Variants in LDLRAD4 observed in about 807,000 individuals in gnomAD.
LDLRAD4 encodes low density lipoprotein receptor class A domain containing 4, also known as low-density lipoprotein receptor class A domain-containing protein 4.
A neutral mutation model predicts 17.0 loss-of-function variants in LDLRAD4; 5 were observed. That is an observed-to-expected ratio of 0.29 (90% CI 0.15 to 0.62). The LOEUF (loss-of-function observed/expected upper bound fraction) is 0.62, where lower values mean the gene tolerates loss of function less well. Ranked by LOEUF, LDLRAD4 falls within the 20% of genes least tolerant of loss-of-function variation. The pLI is 0.84. For missense variants in LDLRAD4, 340 were observed against 424.7 expected, an observed-to-expected ratio of 0.80 and a Z score of 1.75; for synonymous variants, 168 against 171.8, an observed-to-expected ratio of 0.98 and a Z score of 0.17.
intron 3 of LDLRAD4, among the ~76,000 whole-genome samples, chr18:13,607,791 C>T (rs1187708260): frequency 6.6e-6 from 1 of 152,192 alleles, no homozygotes; most frequent in Non-Finnish European, 1.5e-5. Context: ...TTTTTTATGG[C>T]TGCATAGTAT....
chr18:13,227,148 G>A (rs946981480), intron 1 of LDLRAD4, among the ~76,000 whole-genome samples: 4 of 152,166 alleles, frequency 2.6e-5, no homozygotes, highest in Non-Finnish European at 5.9e-5. Flanking sequence ...CTCTGCAAAT[G>A]TGCTAAAGTT....
At chr18:13,346,405 C>T (rs1254698932) in intron 1 of LDLRAD4, among the ~76,000 whole-genome samples, 1 of 152,118 alleles carries the variant, frequency 6.6e-6, no homozygotes, top group East Asian at 1.9e-4. Context: ...GTTTCTTAAT[C>T]CTGAGTTCTA....
intron 1 of LDLRAD4, among the ~76,000 whole-genome samples, chr18:13,291,189 C>G (rs938277545): frequency 6.6e-6 from 1 of 152,192 alleles, no homozygotes; most frequent in Non-Finnish European, 1.5e-5. Flanking sequence ...CCCAGCCGGT[C>G]TGTTTGCTGA....
intron 3 of LDLRAD4, chr18:13,521,412 G>A (rs1462478825): frequency 6.6e-6 from 1 of 152,210 alleles, no homozygotes; most frequent in Non-Finnish European, 1.5e-5. Context: ...AGGAGCTTTT[G>A]CACTTGCTCT....
At chr18:13,499,323 G>A (rs1330589025) in intron 3 of LDLRAD4, among the ~76,000 whole-genome samples, 10 of 144,706 alleles carry the variant, frequency 6.9e-5, no homozygotes, top group South Asian at 2.2e-4. Flanking sequence ...CACACGTCCC[G>A]CCATGGATAC....
intron 1 of LDLRAD4, among the ~76,000 whole-genome samples, chr18:13,249,027 T>C (rs1353841438): frequency 6.6e-6 from 1 of 152,222 alleles, no homozygotes; most frequent in Non-Finnish European, 1.5e-5. Context: ...TCCTGGCTTA[T>C]TTCACCTAAC....
chr18:13,340,067 T>C (rs2082294525), intron 1 of LDLRAD4, among the ~76,000 whole-genome samples: 1 of 152,232 alleles, frequency 6.6e-6, no homozygotes, highest in Admixed American at 6.5e-5. Context: ...CTGAGCATAA[T>C]GTTCATTTAT....
chr18:13,641,444 A>G (rs1314196837), intron 4 of LDLRAD4, among the ~76,000 whole-genome samples: 2 of 152,258 alleles, frequency 1.3e-5, no homozygotes, highest in Admixed American at 1.3e-4. Flanking sequence ...AATAGAGAGA[A>G]ACAGATTAGA....
At chr18:13,603,933 A>T (rs946310957) in intron 3 of LDLRAD4, among the ~76,000 whole-genome samples, 1 of 152,230 alleles carries the variant, frequency 6.6e-6, no homozygotes, top group African/African-American at 2.4e-5. Context: ...GCAGCCCTGG[A>T]GCTGACATCA....
chr18:13,474,018 C>T (rs947203658), intron 3 of LDLRAD4, among the ~76,000 whole-genome samples: 3 of 152,022 alleles, frequency 2.0e-5, no homozygotes, highest in East Asian at 1.9e-4. Flanking sequence ...GTGCTGTTGT[C>T]GTGGTAGTGA....
chr18:13,313,417 C>G (rs184388660), intron 1 of LDLRAD4, among the ~76,000 whole-genome samples: 3 of 152,264 alleles, frequency 2.0e-5, no homozygotes, highest in African/African-American at 7.2e-5. Flanking sequence ...GCTGTGTAGA[C>G]AAGGGCTTCA....
intron 3 of LDLRAD4, among the ~76,000 whole-genome samples, chr18:13,546,605 C>A (rs929357605): frequency 1.3e-5 from 2 of 151,702 alleles, no homozygotes; most frequent in Non-Finnish European, 2.9e-5. Context: ...TTTTAAATAC[C>A]ACACACTACT....
chr18:13,396,889 A>T (rs1007373158), intron 2 of LDLRAD4, among the ~76,000 whole-genome samples: 2 of 152,240 alleles, frequency 1.3e-5, no homozygotes, highest in East Asian at 3.8e-4. Context: ...GGCTGACGGT[A>T]CAGCTGTAGA....
chr18:13,531,856 A>G (rs1278788257), intron 3 of LDLRAD4, among the ~76,000 whole-genome samples: 1 of 152,120 alleles, frequency 6.6e-6, no homozygotes, highest in African/African-American at 2.4e-5. Flanking sequence ...GGGAGCGGCC[A>G]TATGCAGGAG....
At chr18:13,620,921 T>G in intron 3 of LDLRAD4, 196 bp from the exon 5 acceptor site, 1 of 727,812 alleles carries the variant, frequency 1.4e-6, no homozygotes, top group Non-Finnish European at 2.3e-6. Flanking sequence ...CGCAGCTGGT[T>G]TGCACAGCCT....
rs148712154 is a variant in LDLRAD4, at chr18:13,331,762, G to A, written c.-383+53574G>A. ...GAACAGTATACTTTTTGTTTGCTCTGTTAGGCTTTAATATCAGTGTCATTT... is the reference window on the plus strand; with the variant it reads ...GAACAGTATACTTTTTGTTTGCTCTATTAGGCTTTAATATCAGTGTCATTT... On this transcript the variant is annotated intron_variant, in intron 1 of 5. Transcript: ENST00000359446. 5.0e-3 allele frequency among the ~76,000 whole-genome samples: 766 copies of A among 152,294 alleles called. 2 individuals carry two copies. Among genetic ancestry groups the A allele is most frequent in the Non-Finnish European group, 8.4e-3 (568 of 68,008 alleles).
intron 3 of LDLRAD4, chr18:13,613,254 ACT>A (rs1307208880): frequency 6.5e-6 from 1 of 153,182 alleles, no homozygotes; most frequent in African/African-American, 2.4e-5. Flanking sequence ...GAGAACTGTG[ACT>A]CTGAGAGATA....
intron 3 of LDLRAD4, among the ~76,000 whole-genome samples, chr18:13,458,087 G>T (rs1568186609): frequency 6.6e-6 from 1 of 152,234 alleles, no homozygotes; most frequent in Non-Finnish European, 1.5e-5. Flanking sequence ...TGAAAAGTGT[G>T]GTAAAGGCAA....
intron 2 of LDLRAD4, among the ~76,000 whole-genome samples, chr18:13,433,578 G>T (rs2090473346): frequency 6.6e-6 from 1 of 152,134 alleles, no homozygotes; most frequent in African/African-American, 2.4e-5. Context: ...ATTAAATTTA[G>T]TCTCTGTGAG....
Sources: allele counts gnomAD v4.1 joint callset (sites outside exome capture counted in the v4.1 genomes callset), GRCh38; gene constraint gnomAD v4.1.1; transcripts MANE v1.5; gene names NCBI Gene and HGNC (gene_info 2026-07-23, HGNC 2026-07-21).